Variants in NLRP4 observed in about 807,000 individuals in gnomAD.
NLRP4 encodes the protein NACHT, LRR and PYD domains-containing protein 4.
In NLRP4, 44 loss-of-function variants were observed where a neutral mutation model predicts 84.7. The ratio of observed to expected loss-of-function variants is 0.52; its 90% CI spans 0.41 to 0.67. The LOEUF (loss-of-function observed/expected upper bound fraction) is 0.67, where lower values mean the gene tolerates loss of function less well. NLRP4 is among the 30% of genes least tolerant of loss of function. NLRP4 has a pLI of 0.00. For synonymous variants in NLRP4, 544 were observed against 476.4 expected, an observed-to-expected ratio of 1.14 and a Z score of -1.85; for missense variants, 1,260 against 1,219.4, an observed-to-expected ratio of 1.03 and a Z score of -0.50.
intron 1 of NLRP4, among the ~76,000 whole-genome samples, chr19:55,842,474 T>A (rs1399321441): frequency 1.3e-5 from 2 of 152,138 alleles, no homozygotes. Context: ...CTTATCAAAT[T>A]TTTACTTCTG....
intron 1 of NLRP4, among the ~76,000 whole-genome samples, chr19:55,846,052 C>G (rs1983781439): frequency 6.6e-6 from 1 of 152,150 alleles, no homozygotes; most frequent in Non-Finnish European, 1.5e-5. Flanking sequence ...TCAATTTTGT[C>G]TTTTGTTGCC....
At position 55,875,294 on chromosome 19, in the gene NLRP4, T is replaced by C. The variant is rs560572757; in HGVS notation, c.2526-1702T>C. 5.3e-5 allele frequency among the ~76,000 whole-genome samples: 8 copies of C among 152,312 alleles called. 1 individual carries two copies. In the East Asian group the frequency reaches 1.5e-3, roughly 29 times the overall value. ...ATCTTTGAAGAAACACCTAATTCTA[T>C]ACAGATGATTTGAATGTACATAGAA... On this transcript the variant is annotated intron_variant, in intron 7 of 9. Transcript: ENST00000301295.
At chr19:55,857,470 A>G (rs2123031340) in intron 2 of NLRP4, 1 of 582,650 alleles carries the variant, frequency 1.7e-6, no homozygotes, top group East Asian at 2.8e-5. Context: ...CTATTCAATC[A>G]GGAAGGCTCC....
intron 1 of NLRP4, among the ~76,000 whole-genome samples, chr19:55,849,259 T>C (rs1273744606): frequency 1.3e-5 from 2 of 152,236 alleles, no homozygotes; most frequent in East Asian, 3.9e-4. Context: ...TAGGAAGTGG[T>C]CTTAGAAACC....
intron 1 of NLRP4, among the ~76,000 whole-genome samples, chr19:55,842,145 AG>A: frequency 1.3e-5 from 2 of 152,222 alleles, no homozygotes; most frequent in South Asian, 4.1e-4. Flanking sequence ...CAGATTTTTT[AG>A]GTTCAAATTT....
Position 55,857,834 on chromosome 19 carries a change from G to C in NLRP4, c.441G>C (p.Gln147His). The C allele has an allele frequency of 1.9e-6, 3 of 1,614,046 alleles. No individual in the cohort carries two copies. Among genetic ancestry groups the C allele is most frequent in the Non-Finnish European group, 2.5e-6 (3 of 1,179,910 alleles). ...TTGCTCCCAAGGAAGCTGGGAAACA[G>C]CCACGTACAGTGATCATTCAAGGAC... ...RLFAPKEAGK[Q>H]PRTVIIQGPQ... is the part of the protein sequence containing the mutation. Residue 147 changes from glutamine to histidine, a missense_variant, in exon 3 of 10, where the codon CAG becomes CAC. Transcript: ENST00000301295.
At chr19:55,863,396 G>T (rs186110523) in intron 5 of NLRP4, among the ~76,000 whole-genome samples, 140 of 152,298 alleles carry the variant, frequency 9.2e-4, no homozygotes, top group Non-Finnish European at 1.6e-3. Context: ...TGCTTCTGGG[G>T]AGGCCTCAGG....
At chr19:55,851,852 A>G (rs960695914) in intron 1 of NLRP4, among the ~76,000 whole-genome samples, 164 bp from the exon 2 acceptor site, 6 of 152,174 alleles carry the variant, frequency 3.9e-5, no homozygotes, top group African/African-American at 1.4e-4. Context: ...TCCCCCATCC[A>G]TTATTGAGAC....
In NLRP4 at chr19:55,879,141, T is replaced by G. The variant is rs770314744; in HGVS notation, c.2867+177T>G. 1.5e-4 allele frequency among the ~76,000 whole-genome samples: 23 copies of G among 152,132 alleles called. No individual in the cohort carries two copies. The highest frequency in any genetic ancestry group is 1.0e-4 in the Non-Finnish European group (7 of 68,026). On this transcript the variant is annotated intron_variant, in intron 9 of 9. Transcript: ENST00000301295. ...ATAAAACTCTTACCACAGTAAGTGG[T>G]GAACAGTGAATGTCCAACAAATGGA...
At chr19:55,869,726 G>A (rs898196259) in intron 6 of NLRP4, among the ~76,000 whole-genome samples, 3 of 151,762 alleles carry the variant, frequency 2.0e-5, no homozygotes, top group Non-Finnish European at 4.4e-5. Flanking sequence ...AGCTTGCACC[G>A]TCTGCTTTTT....
intron 5 of NLRP4, among the ~76,000 whole-genome samples, chr19:55,865,471 G>A (rs991697181): frequency 7.2e-5 from 11 of 152,114 alleles, no homozygotes; most frequent in Non-Finnish European, 1.2e-4. Flanking sequence ...ATTCCTTTGG[G>A]TATATACCCA....
rs781505500 is a variant in NLRP4, at chr19:55,878,861, AC to A, written c.2767del (p.Leu923CysfsTer6). On this transcript the variant is annotated frameshift_variant, in exon 9 of 10. Transcript: ENST00000301295. LOFTEE classifies it high-confidence loss of function. ...CGCGTCTGTTCTCACCTGCAGTAAGACCCTGCAGCAGCTCAACCTGACCTTG... is the reference window on the plus strand; with the variant it reads ...CGCGTCTGTTCTCACCTGCAGTAAGACCTGCAGCAGCTCAACCTGACCTTG... ...DLASVLTCSK[T>X]LQQLNLTLNT... 14 of 1,613,394 alleles carry A rather than the reference AC, an allele frequency of 8.7e-6. No individual in the cohort carries two copies. In the Admixed American group the frequency reaches 1.3e-4, roughly 15 times the overall value.
intron 5 of NLRP4, among the ~76,000 whole-genome samples, chr19:55,863,323 A>G (rs964939436): frequency 2.0e-5 from 3 of 152,130 alleles, no homozygotes; most frequent in Non-Finnish European, 4.4e-5. Flanking sequence ...CATACCTGAG[A>G]CTGGGAATTT....
Position 55,862,057 on chromosome 19 carries a change from A to C in NLRP4, c.2084A>C (p.Asp695Ala). ...LLFEVLFYQPDLKYLSFTLTK... is the reference protein window; with the variant it reads ...LLFEVLFYQPALKYLSFTLTK... ...TTTGAGGTGCTCTTTTATCAGCCAGACTTGAAATACCTGAGCTTCACCCTC... is the reference window on the plus strand; with the variant it reads ...TTTGAGGTGCTCTTTTATCAGCCAGCCTTGAAATACCTGAGCTTCACCCTC... Residue 695 changes from aspartate to alanine, a missense_variant, in exon 5 of 10, where the codon GAC becomes GCC. By Grantham distance (126) the Asp-to-Ala change is moderately radical (BLOSUM62 -2). Transcript: ENST00000301295. 1 of 1,612,952 alleles carries C rather than the reference A, an allele frequency of 6.2e-7. No individual in the cohort carries two copies. Among genetic ancestry groups the C allele is most frequent in the Non-Finnish European group, 8.5e-7 (1 of 1,178,894 alleles).
At chr19:55,856,706 G>A (rs1984439622) in intron 2 of NLRP4, among the ~76,000 whole-genome samples, 2 of 151,950 alleles carry the variant, frequency 1.3e-5, no homozygotes, top group Non-Finnish European at 2.9e-5. Context: ...AGTAGAGACA[G>A]GGTTTCACCA....
chr19:55,866,545 AAAACCACACAGTT>A (rs1984962490), intron 5 of NLRP4, among the ~76,000 whole-genome samples: 1 of 152,196 alleles, frequency 6.6e-6, no homozygotes, highest in Non-Finnish European at 1.5e-5. Flanking sequence ...GAGGTAATAG[AAAACCACACAGTT>A]AAACCACACA....
chr19:55,870,787 G>T, intron 6 of NLRP4, 40 bp from the exon 7 acceptor site: 1 of 1,501,352 alleles, frequency 6.7e-7, no homozygotes, highest in South Asian at 1.1e-5. Flanking sequence ...GAGACACCAC[G>T]TCCCTCTTCA....
chr19:55,863,267 G>A (rs1363106840), intron 5 of NLRP4, among the ~76,000 whole-genome samples: 2 of 152,178 alleles, frequency 1.3e-5, no homozygotes, highest in Admixed American at 6.5e-5. Context: ...CTCTGGTGTT[G>A]GAGGTTCGGG....
rs146246549 is a variant in NLRP4 at position 55,855,929 on chromosome 19, C to A, written c.281-1745C>A. Among the ~76,000 whole-genome samples the A allele has an allele frequency of 3.3e-5, 5 of 152,266 alleles. No homozygotes were observed. In the East Asian group the frequency reaches 5.8e-4, roughly 18 times the overall value. On this transcript the variant is annotated intron_variant, in intron 2 of 9. Coordinates refer to ENST00000301295, the MANE Select transcript of NLRP4 (RefSeq NM_134444.5). ...GAACTGTGGCTTTAGAAATACACCA[C>A]GACAGCTATGATTCAGAAATCGGGA...
Sources: allele counts gnomAD v4.1 joint callset (sites outside exome capture counted in the v4.1 genomes callset), GRCh38; gene constraint gnomAD v4.1.1; transcripts MANE v1.5; gene names NCBI Gene and HGNC (gene_info 2026-07-23, HGNC 2026-07-21).